TBC1D2B: variants seen among roughly 807,000 people sequenced by gnomAD.
TBC1D2B encodes the protein TBC1 domain family member 2B, also known as TBC1 domain family, member 2B.
In TBC1D2B, 64 loss-of-function variants were observed where a neutral mutation model predicts 100.8. The observed-to-expected ratio is 0.64, with a 90% CI of 0.52 to 0.78. TBC1D2B has a LOEUF of 0.78. Ranked by LOEUF, TBC1D2B falls within the 30% of genes least tolerant of loss-of-function variation. The pLI, the probability that TBC1D2B is intolerant of heterozygous loss-of-function variation, is 0.00. For missense variants in TBC1D2B, 1,052 were observed against 1,218.4 expected, an observed-to-expected ratio of 0.86 and a Z score of 2.03; for synonymous variants, 480 against 479.7, an observed-to-expected ratio of 1.00 and a Z score of -0.01.
Position 77,998,075 on chromosome 15 carries a change from C to T in TBC1D2B, c.*85G>A, listed in dbSNP as rs777609425. 28 of 1,315,690 alleles carry T rather than the reference C, an allele frequency of 2.1e-5. No homozygotes were observed. The highest frequency in any genetic ancestry group is 1.6e-4 in the African/African-American group (11 of 66,820). The allele number at this position is 1,315,690 out of a possible 1,614,324, so 81.5% of individuals were successfully genotyped here. A position where few individuals can be genotyped will look rare whatever the true frequency, so the allele number is the denominator to read the frequency against. ...CCAGCAGATCCCCAGAGGACACACA[C>T]GTTACATTCTGGCTTTTAAGTGCAC... On this transcript the variant is annotated 3_prime_UTR_variant, in exon 13 of 13. Transcript: ENST00000300584.
At chr15:78,031,656 GCTAT>G (rs2072818897) in intron 3 of TBC1D2B, among the ~76,000 whole-genome samples, 1 of 151,430 alleles carries the variant, frequency 6.6e-6, no homozygotes, top group African/African-American at 2.4e-5. Flanking sequence ...ATGAGTCATG[GCTAT>G]CTGAGTAATC....
intron 9 of TBC1D2B, among the ~76,000 whole-genome samples, chr15:78,009,645 T>C (rs557083007): frequency 6.6e-6 from 1 of 152,296 alleles, no homozygotes; most frequent in Non-Finnish European, 1.5e-5. Context: ...TGTTTCCCAA[T>C]GATCAGCCAG....
At chr15:78,023,783 C>T (rs1302069960) in intron 6 of TBC1D2B, among the ~76,000 whole-genome samples, 1 of 152,198 alleles carries the variant, frequency 6.6e-6, no homozygotes, top group Non-Finnish European at 1.5e-5. Flanking sequence ...CTAGGTCCTG[C>T]AGCAAGCTGT....
At chr15:78,046,228 G>A (rs920630220) in intron 2 of TBC1D2B, among the ~76,000 whole-genome samples, 4 of 152,036 alleles carry the variant, frequency 2.6e-5, no homozygotes, top group South Asian at 2.1e-4. Flanking sequence ...CACTGTGCCC[G>A]GCTGATAAAA....
chr15:78,000,477 C>T (rs763748484), intron 12 of TBC1D2B, among the ~76,000 whole-genome samples: 5 of 152,254 alleles, frequency 3.3e-5, no homozygotes, highest in Non-Finnish European at 5.9e-5. Flanking sequence ...CCTCCAGGCT[C>T]ACCGCAGGAC....
At chr15:77,998,530 T>C in intron 12 of TBC1D2B, 175 bp from the exon 13 acceptor site, 2 of 562,632 alleles carry the variant, frequency 3.6e-6, no homozygotes, top group Non-Finnish European at 6.1e-6. Context: ...CAAAGCACAA[T>C]GGCCCAGCCA....
chr15:78,001,815 T>C lies in TBC1D2B; in HGVS notation c.2575-75A>G, dbSNP rs557202818. 20 of 1,499,450 alleles carry C rather than the reference T, an allele frequency of 1.3e-5. No homozygotes were observed. In the African/African-American group the frequency reaches 2.2e-4, roughly 17 times the overall value. 92.9% of individuals were successfully genotyped at this position (1,499,450 alleles called of 1,614,324 possible). On this transcript the variant is annotated intron_variant, in intron 11 of 12. Transcript: ENST00000300584. ...GGCACAAGGCTGGACTCCAGGGGGG[T>C]GCTGGCCCTACTGGGGACAGGGGGA...
chr15:78,059,346 G>T (rs1464203895), intron 1 of TBC1D2B, among the ~76,000 whole-genome samples: 3 of 152,180 alleles, frequency 2.0e-5, no homozygotes, highest in African/African-American at 7.2e-5. Flanking sequence ...ATGTTCAATT[G>T]TTGCTACTTC....
chr15:78,053,233 A>C (rs2073352448), intron 2 of TBC1D2B, among the ~76,000 whole-genome samples: 1 of 152,140 alleles, frequency 6.6e-6, no homozygotes, highest in Admixed American at 6.5e-5. Context: ...AAGTGAAGAA[A>C]TCTCTTTATG....
Position 78,024,259 on chromosome 15 carries a change from TTGA to T in TBC1D2B, c.1364_1366del (p.Ile455del). The stretch of plus-strand genomic sequence containing the variant: ...CCCGTTGCCCTCGCCCTCGCTGAGC[TTGA>T]TGATGACCTCGTCCTTGGCTTGGAT... On this transcript the variant is annotated inframe_deletion, in exon 6 of 13. Coordinates refer to ENST00000300584, the MANE Select transcript of TBC1D2B (RefSeq NM_144572.2). 6.2e-7 allele frequency: 1 copy of T among 1,614,030 alleles called. No individual in the cohort carries two copies.
At chr15:78,006,993 C>A (rs1232167453) in intron 10 of TBC1D2B, among the ~76,000 whole-genome samples, 1 of 152,358 alleles carries the variant, frequency 6.6e-6, no homozygotes, top group South Asian at 2.1e-4. Flanking sequence ...GAGGCCTGCA[C>A]CCGAGCAGCG....
At chr15:78,019,984 G>A (rs2072476878) in intron 6 of TBC1D2B, among the ~76,000 whole-genome samples, 1 of 151,942 alleles carries the variant, frequency 6.6e-6, no homozygotes, top group African/African-American at 2.4e-5. Flanking sequence ...CGAACTCCTG[G>A]GCATAAGTGA....
intron 3 of TBC1D2B, among the ~76,000 whole-genome samples, chr15:78,040,880 AAGAGAGAGAGAG>A (rs374888157): frequency 4.1e-5 from 6 of 147,944 alleles, no homozygotes; most frequent in African/African-American, 5.0e-5. Flanking sequence ...GAAAGAAAGA[AAGAGAGAGAGAG>A]AGAAAGAAAG....
Position 78,000,997 on chromosome 15 carries a change from G to C in TBC1D2B, c.2696+622C>G, listed in dbSNP as rs117963087. Among the ~76,000 whole-genome samples, 84 of 152,292 alleles carry C rather than the reference G, an allele frequency of 5.5e-4. 1 individual carries two copies. In the East Asian group the frequency reaches 0.015, roughly 27 times the overall value. The stretch of plus-strand genomic sequence containing the variant: ...CCCTGCAGGACTTCCCAGCACTCAG[G>C]ATGAAGCCTCAAGTCCTGAGAGAAG... On this transcript the variant is annotated intron_variant, in intron 12 of 12. Transcript: ENST00000300584.
chr15:78,010,400 C>T (rs1044655544), intron 9 of TBC1D2B, among the ~76,000 whole-genome samples: 1 of 152,100 alleles, frequency 6.6e-6, no homozygotes, highest in Non-Finnish European at 1.5e-5. Context: ...AAAACTTCTG[C>T]CCATCACACG....
Position 77,996,550 on chromosome 15 carries a change from T to C in TBC1D2B, c.*1610A>G, listed in dbSNP as rs564427369. On this transcript the variant is annotated 3_prime_UTR_variant, in exon 13 of 13. Coordinates refer to ENST00000300584, the MANE Select transcript of TBC1D2B (RefSeq NM_144572.2). ...AGACAATGACAAAACCCATTTTTGATGCCTGAAAAGAGGCAAAGGCTTCTG... is the reference window on the plus strand; with the variant it reads ...AGACAATGACAAAACCCATTTTTGACGCCTGAAAAGAGGCAAAGGCTTCTG... 7.2e-5 allele frequency: 11 copies of C among 152,364 alleles called. No homozygotes were observed. Among genetic ancestry groups the C allele is most frequent in the African/African-American group, 2.6e-4 (11 of 41,580 alleles). 9.4% of individuals were successfully genotyped at this position (152,364 alleles called of 1,614,324 possible). A position where few individuals can be genotyped will look rare whatever the true frequency, so the allele number is the denominator to read the frequency against.
chr15:78,068,526 T>C (rs1171471108), intron 1 of TBC1D2B, among the ~76,000 whole-genome samples: 1 of 151,952 alleles, frequency 6.6e-6, no homozygotes, highest in East Asian at 1.9e-4. Context: ...TGACAAAATA[T>C]CCTAGGAGGT....
At chr15:78,077,244 G>A (rs2073843934) in intron 1 of TBC1D2B, 49 bp downstream of exon 1, 7 of 1,405,888 alleles carry the variant, frequency 5.0e-6, no homozygotes, top group African/African-American at 1.5e-5. Context: ...GGCGGAGGCA[G>A]GGGACGCCGG....
At chr15:78,053,847 G>A (rs1295514847) in intron 2 of TBC1D2B, 187 bp downstream of exon 2, 1 of 624,222 alleles carries the variant, frequency 1.6e-6, no homozygotes, top group Non-Finnish European at 2.7e-6. Context: ...TGATTCCAAG[G>A]CTGTCACTGG....
Sources: allele counts gnomAD v4.1 joint callset (sites outside exome capture counted in the v4.1 genomes callset), GRCh38; gene constraint gnomAD v4.1.1; transcripts MANE v1.5; gene names NCBI Gene and HGNC (gene_info 2026-07-23, HGNC 2026-07-21).